Variants in SLC13A1 observed in about 807,000 individuals in gnomAD.
SLC13A1 encodes solute carrier family 13 member 1.
In SLC13A1, 65 loss-of-function variants were observed where a neutral mutation model predicts 70.0. The ratio of observed to expected loss-of-function variants is 0.93; its 90% CI spans 0.76 to 1.14. The LOEUF (loss-of-function observed/expected upper bound fraction) is 1.14, where lower values mean the gene tolerates loss of function less well. Ranked by LOEUF, SLC13A1 falls within the 50% of genes most tolerant of loss-of-function variation. The probability of loss-of-function intolerance (pLI) is 0.00; values close to 1 mark genes in which losing one functional copy is unlikely to be tolerated. For synonymous variants in SLC13A1, 275 were observed against 250.5 expected (o/e 1.10, Z -0.92); for missense variants, 726 against 717.8 (o/e 1.01, Z -0.13).
At position 123,125,672 on chromosome 7, in the gene SLC13A1, G is replaced by T; in HGVS notation, c.1137C>A (p.Tyr379Ter). ...CAGTTGAATCTGTAGCAAAACCAGG[G>T]TACCTGTAAAAGGGACAAATACATG... ...VPGWSALFSE[Y>*]PGFATDSTVA... The change falls in exon 11 of 15, where the codon TAC becomes TAA. Residue 379 changes from tyrosine to a stop codon, truncating the protein, a stop_gained. Transcript: ENST00000194130. LOFTEE classifies it high-confidence loss of function. 1 of 1,608,922 alleles carries T rather than the reference G, an allele frequency of 6.2e-7. No homozygotes were observed. The highest frequency in any genetic ancestry group is 8.5e-7 in the Non-Finnish European group (1 of 1,177,168).
chr7:123,198,416 G>C (rs1368348734), intron 1 of SLC13A1, among the ~76,000 whole-genome samples: 1 of 140,610 alleles, frequency 7.1e-6, no homozygotes, highest in Non-Finnish European at 1.6e-5. Context: ...TACAAATTCT[G>C]TACGAATTTG....
intron 6 of SLC13A1, among the ~76,000 whole-genome samples, chr7:123,162,356 T>C (rs1794944445): frequency 6.6e-6 from 1 of 152,188 alleles, no homozygotes; most frequent in Non-Finnish European, 1.5e-5. Context: ...GATAGCACTT[T>C]GACTCTAATA....
At chr7:123,137,929 ACT>A (rs1794006754) in intron 7 of SLC13A1, among the ~76,000 whole-genome samples, 1 of 151,962 alleles carries the variant, frequency 6.6e-6, no homozygotes, top group South Asian at 2.1e-4. Flanking sequence ...ATCCAATTAT[ACT>A]CTTTTAGTTA....
At chr7:123,156,655 G>A (rs574217922) in intron 6 of SLC13A1, among the ~76,000 whole-genome samples, 1 of 152,218 alleles carries the variant, frequency 6.6e-6, no homozygotes, top group African/African-American at 2.4e-5. Context: ...TCTATAAGAA[G>A]ATTATTTCTG....
At chr7:123,157,606 G>A (rs1794755388) in intron 6 of SLC13A1, among the ~76,000 whole-genome samples, 2 of 151,924 alleles carry the variant, frequency 1.3e-5, no homozygotes, top group Admixed American at 6.6e-5. Flanking sequence ...GTGCCACTGA[G>A]AAAAACCTTG....
chr7:123,118,128 G>C (rs1056466704), intron 13 of SLC13A1, among the ~76,000 whole-genome samples: 1 of 152,002 alleles, frequency 6.6e-6, no homozygotes, highest in African/African-American at 2.4e-5. Context: ...CAGAGCTCAG[G>C]TAGGTTTTCA....
chr7:123,167,382 G>A (rs562240018), intron 6 of SLC13A1, among the ~76,000 whole-genome samples: 1 of 152,132 alleles, frequency 6.6e-6, no homozygotes, highest in South Asian at 2.1e-4. Context: ...TGTAGCTAAT[G>A]GCTTAAAACT....
chr7:123,189,063 C>A (rs1002212400), intron 1 of SLC13A1, among the ~76,000 whole-genome samples: 1 of 127,814 alleles, frequency 7.8e-6, no homozygotes, highest in African/African-American at 3.0e-5. Flanking sequence ...TGCAGTGAGC[C>A]GAGATCCCGC....
chr7:123,196,486 A>T (rs1796188266), intron 1 of SLC13A1, among the ~76,000 whole-genome samples: 1 of 152,188 alleles, frequency 6.6e-6, no homozygotes, highest in Admixed American at 6.5e-5. Context: ...AAATCTGTGT[A>T]GCCAGATTTT....
chr7:123,187,773 G>A (rs1020387418), intron 1 of SLC13A1, among the ~76,000 whole-genome samples: 1 of 152,046 alleles, frequency 6.6e-6, no homozygotes, highest in African/African-American at 2.4e-5. Context: ...CATTTTAATA[G>A]ATGTAGTATT....
chr7:123,126,854 G>A (rs1030490713), intron 10 of SLC13A1, among the ~76,000 whole-genome samples: 3 of 151,948 alleles, frequency 2.0e-5, no homozygotes, highest in East Asian at 1.9e-4. Context: ...ACCAGATTTC[G>A]TTTTATATAA....
chr7:123,184,175 T>C (rs1293077773), intron 1 of SLC13A1, among the ~76,000 whole-genome samples: 1 of 152,128 alleles, frequency 6.6e-6, no homozygotes, highest in African/African-American at 2.4e-5. Flanking sequence ...ATGTACTGTA[T>C]TTATCATGTA....
chr7:123,120,877 C>T (rs1218460636), intron 12 of SLC13A1, among the ~76,000 whole-genome samples: 32 of 151,980 alleles, frequency 2.1e-4, no homozygotes, highest in Admixed American at 2.1e-3. Context: ...ACTGTTTCCC[C>T]TACCTGTAGG....
Position 123,117,489 on chromosome 7 carries a change from A to G in SLC13A1, c.1632T>C (p.His544=), listed in dbSNP as rs779695037. 6.2e-7 allele frequency: 1 copy of G among 1,613,258 alleles called. No homozygotes were observed. The highest frequency in any genetic ancestry group is 8.5e-7 in the Non-Finnish European group (1 of 1,179,584). The change falls in exon 14 of 15, where the codon CAT becomes CAC. Residue 544 remains histidine (H), a synonymous_variant. Coordinates refer to ENST00000194130, the MANE Select transcript of SLC13A1 (RefSeq NM_022444.4). ...PPNAIVFSYG[H]LKVIDMVKAG... is the part of the protein sequence containing the mutation. ...AACTCACCATGTCAATGACTTTCAG[A>G]TGACCATATGAAAAGACAATAGCAT...
intron 8 of SLC13A1, among the ~76,000 whole-genome samples, chr7:123,132,127 GCT>G (rs768813261): frequency 1.4e-4 from 22 of 152,132 alleles, no homozygotes; most frequent in Non-Finnish European, 2.9e-5. Context: ...ATGCCCACCT[GCT>G]GAAATCAGTG....
intron 8 of SLC13A1, among the ~76,000 whole-genome samples, chr7:123,130,622 C>A (rs1028901498): frequency 2.6e-5 from 4 of 152,150 alleles, no homozygotes; most frequent in African/African-American, 9.6e-5. Context: ...GGGCTTAATA[C>A]CTAGGTGATG....
chr7:123,177,273 AC>A (rs1279970376), intron 2 of SLC13A1, among the ~76,000 whole-genome samples: 1 of 152,124 alleles, frequency 6.6e-6, no homozygotes, highest in African/African-American at 2.4e-5. Flanking sequence ...TGCTGATTTT[AC>A]CTTCAAATTT....
intron 6 of SLC13A1, among the ~76,000 whole-genome samples, chr7:123,153,593 T>C (rs76973206): frequency 3.0e-4 from 45 of 152,000 alleles, no homozygotes; most frequent in Non-Finnish European, 6.0e-4. Flanking sequence ...AGCTGAAAAA[T>C]AGGGCTCTTA....
At chr7:123,160,977 G>A (rs929288998) in intron 6 of SLC13A1, among the ~76,000 whole-genome samples, 4 of 151,678 alleles carry the variant, frequency 2.6e-5, no homozygotes, top group African/African-American at 4.8e-5. Flanking sequence ...ATAAGGTAAA[G>A]GTCAGATTTT....
Sources: gnomAD v4.1 joint callset for allele counts (sites outside exome capture counted in the v4.1 genomes callset) on GRCh38, gnomAD v4.1.1 for gene constraint, MANE v1.5 for transcripts, NCBI Gene and HGNC (gene_info 2026-07-23, HGNC 2026-07-21) for gene names.